Variants in KCNQ1OT1 observed in about 807,000 individuals in gnomAD.
KCNQ1OT1 encodes the protein KCNQ1 opposite strand/antisense transcript 1, also known as KCNQ1 antisense RNA 2 (non-protein coding).
exon 1 of KCNQ1OT1, chr11:2,675,922 C>T: frequency 2.5e-6 from 1 of 398,164 alleles, no homozygotes; most frequent in East Asian, 3.6e-5. Flanking sequence ...AATCATACAA[C>T]AGTCTTTACA....
rs2133835689 is a variant in KCNQ1OT1 at position 2,645,699 on chromosome 11, A to G, written n.54296T>C. On this transcript the variant is annotated non_coding_transcript_exon_variant, in exon 1 of 1. Transcript: ENST00000597346. This position sits in a 1 kb window ranked among gnomAD's most constrained non-coding sequence, Gnocchi z 5.8. ...GCTCATGCTTTGGCCTGGAGGGAGCAGTCAGGAGTGGCAACCAGCTTTGTG... is the reference window on the plus strand; with the variant it reads ...GCTCATGCTTTGGCCTGGAGGGAGCGGTCAGGAGTGGCAACCAGCTTTGTG... The G allele has an allele frequency of 2.5e-6, 1 of 398,832 alleles. No individual in the cohort carries two copies. The highest frequency in any genetic ancestry group is 3.6e-5 in the East Asian group (1 of 28,072). 24.7% of individuals were successfully genotyped at this position (398,832 alleles called of 1,614,324 possible). A position where few individuals can be genotyped will look rare whatever the true frequency, so the allele number is the denominator to read the frequency against.
chr11:2,698,089 G>A lies in KCNQ1OT1; in HGVS notation n.1906C>T, dbSNP rs557145101. ...GCCTGCTTTCCTTCAAGTACTGACTGAGTAAGGCTGTGTATCAGGCTCTTG... is the reference window on the plus strand; with the variant it reads ...GCCTGCTTTCCTTCAAGTACTGACTAAGTAAGGCTGTGTATCAGGCTCTTG... On this transcript the variant is annotated non_coding_transcript_exon_variant, in exon 1 of 1. Coordinates refer to ENST00000597346, the Ensembl canonical transcript of KCNQ1OT1. The surrounding 1 kb of genome is among the most constrained non-coding windows in gnomAD (Gnocchi z 5.1). 4.0e-5 allele frequency: 16 copies of A among 398,638 alleles called. No homozygotes were observed. In the South Asian group the frequency reaches 1.8e-3, roughly 44 times the overall value. The allele number at this position is 398,638 out of a possible 1,614,324, so 24.7% of individuals were successfully genotyped here.
chr11:2,656,354 A>C (rs1025173164), exon 1 of KCNQ1OT1: 1 of 398,576 alleles, frequency 2.5e-6, no homozygotes, highest in South Asian at 1.3e-4. Flanking sequence ...CACATTCTTC[A>C]AGCCTTACAG....
In KCNQ1OT1 at chr11:2,683,882, C is replaced by A; in HGVS notation, n.16113G>T. 2.5e-6 allele frequency: 1 copy of A among 398,560 alleles called. No homozygotes were observed. Among genetic ancestry groups the A allele is most frequent in the Non-Finnish European group, 4.4e-6 (1 of 226,068 alleles). 24.7% of individuals were successfully genotyped at this position (398,560 alleles called of 1,614,324 possible). On this transcript the variant is annotated non_coding_transcript_exon_variant, in exon 1 of 1. Transcript: ENST00000597346. This position sits in a 1 kb window ranked among gnomAD's most constrained non-coding sequence, Gnocchi z 4.7. ...TCACTGCTACATCTCTCTTCCAAAT[C>A]ATAAATGCAAAAGATGGCCAAAGGT...
rs1849906624 is a variant in KCNQ1OT1, at chr11:2,659,223, AC to A, written n.40771del. The A allele has an allele frequency of 2.5e-6, 1 of 398,414 alleles. No homozygotes were observed. The highest frequency in any genetic ancestry group is 4.4e-5 in the Admixed American group (1 of 22,714). The allele number at this position is 398,414 out of a possible 1,614,324, so 24.7% of individuals were successfully genotyped here. A position where few individuals can be genotyped will look rare whatever the true frequency, so the allele number is the denominator to read the frequency against. On this transcript the variant is annotated non_coding_transcript_exon_variant, in exon 1 of 1. Coordinates refer to ENST00000597346, the Ensembl canonical transcript of KCNQ1OT1. The surrounding 1 kb of genome is among the most constrained non-coding windows in gnomAD (Gnocchi z 4.3). ...CCAGTATCATTCACAGAAGTTCCAT[AC>A]CCCTAAAAATACCCTGGGGTGAGTC...
chr11:2,696,180 C>G (rs1850672965), exon 1 of KCNQ1OT1: 2 of 398,420 alleles, frequency 5.0e-6, no homozygotes, highest in African/African-American at 2.1e-5. Context: ...GTTTAAGAAC[C>G]CCACGGCCAC....
exon 1 of KCNQ1OT1, chr11:2,650,281 A>C (rs901733012): frequency 2.0e-5 from 8 of 398,190 alleles, no homozygotes; most frequent in Non-Finnish European, 3.5e-5. Flanking sequence ...CTATTATTGG[A>C]GAATTATTGT....
In KCNQ1OT1 at chr11:2,653,568, C is replaced by CT. The variant is rs751039500; in HGVS notation, n.46426dup. 3.4e-4 allele frequency: 137 copies of CT among 398,720 alleles called. No homozygotes were observed. The highest frequency in any genetic ancestry group is 5.3e-4 in the Non-Finnish European group (121 of 226,172). 24.7% of individuals were successfully genotyped at this position (398,720 alleles called of 1,614,324 possible). A position where few individuals can be genotyped will look rare whatever the true frequency, so the allele number is the denominator to read the frequency against. ...CTCCCCTTCTCCCTTCCCGTTCCCT[C>CT]TTTTGTTCTCCCTTTCCCTTGCTCT... On this transcript the variant is annotated non_coding_transcript_exon_variant, in exon 1 of 1. Coordinates refer to ENST00000597346, the Ensembl canonical transcript of KCNQ1OT1. The surrounding 1 kb of genome is among the most constrained non-coding windows in gnomAD (Gnocchi z 5.3).
rs1848980177 is a variant in KCNQ1OT1 at position 2,611,542 on chromosome 11, A to T, written n.88453T>A. The T allele has an allele frequency of 2.5e-6, 1 of 398,370 alleles. No homozygotes were observed. Among genetic ancestry groups the T allele is most frequent in the African/African-American group, 2.1e-5 (1 of 48,602 alleles). The allele number at this position is 398,370 out of a possible 1,614,324, so 24.7% of individuals were successfully genotyped here. ...TGTCTGATTTTAGTACAGTCACTCT[A>T]GCTTTCTTATTACTGTTTGCATGTC... is the stretch of plus-strand genomic sequence containing the variant. On this transcript the variant is annotated non_coding_transcript_exon_variant, in exon 1 of 1. Coordinates refer to ENST00000597346, the Ensembl canonical transcript of KCNQ1OT1. This position sits in a 1 kb window ranked among gnomAD's most constrained non-coding sequence, Gnocchi z 5.3.
rs905709313 is a variant in KCNQ1OT1 at position 2,676,002 on chromosome 11, C to A, written n.23993G>T. 7.5e-6 allele frequency: 3 copies of A among 398,526 alleles called. No individual in the cohort carries two copies. Among genetic ancestry groups the A allele is most frequent in the African/African-American group, 6.2e-5 (3 of 48,626 alleles). The allele number at this position is 398,526 out of a possible 1,614,324, so 24.7% of individuals were successfully genotyped here. A position where few individuals can be genotyped will look rare whatever the true frequency, so the allele number is the denominator to read the frequency against. ...CACTCTCCCCACCCAACCCTAATTC[C>A]CAAGTTTCCTTCCCTAAAGGTTACC... On this transcript the variant is annotated non_coding_transcript_exon_variant, in exon 1 of 1. Coordinates refer to ENST00000597346, the Ensembl canonical transcript of KCNQ1OT1. This position sits in a 1 kb window ranked among gnomAD's most constrained non-coding sequence, Gnocchi z 4.2.
At chr11:2,675,642 G>C (rs563624111) in exon 1 of KCNQ1OT1, 2 of 398,622 alleles carry the variant, frequency 5.0e-6, no homozygotes, top group African/African-American at 4.1e-5. Flanking sequence ...GAGGGTGGTT[G>C]GGCTCTCTAG....
In KCNQ1OT1 at chr11:2,678,494, G is replaced by A. The variant is rs1850331743; in HGVS notation, n.21501C>T. 1 of 398,496 alleles carries A rather than the reference G, an allele frequency of 2.5e-6. No individual in the cohort carries two copies. Among genetic ancestry groups the A allele is most frequent in the Admixed American group, 4.4e-5 (1 of 22,726 alleles). 24.7% of individuals were successfully genotyped at this position (398,496 alleles called of 1,614,324 possible). ...TATTTCAAACTCTCATTTAATTTGT[G>A]TCCATTTCTAGACTCTATTCTGGAC... On this transcript the variant is annotated non_coding_transcript_exon_variant, in exon 1 of 1. Coordinates refer to ENST00000597346, the Ensembl canonical transcript of KCNQ1OT1. This position sits in a 1 kb window ranked among gnomAD's most constrained non-coding sequence, Gnocchi z 4.9.
chr11:2,667,486 G>T, exon 1 of KCNQ1OT1: 1 of 374,802 alleles, frequency 2.7e-6, no homozygotes, highest in South Asian at 1.3e-4. Context: ...GTGACAGAGA[G>T]AACATTCACG....
In KCNQ1OT1 at chr11:2,642,048, G is replaced by A; in HGVS notation, n.57947C>T. The A allele has an allele frequency of 5.0e-6, 2 of 398,320 alleles. No homozygotes were observed. Among genetic ancestry groups the A allele is most frequent in the East Asian group, 7.1e-5 (2 of 28,034 alleles). The allele number at this position is 398,320 out of a possible 1,614,324, so 24.7% of individuals were successfully genotyped here. Reference sequence around the variant, plus strand: ...CTATAGCCTTATATTTTTAAATCAGGCAGTGTGATGCATCCAACTTTGTTA... The same window carrying A: ...CTATAGCCTTATATTTTTAAATCAGACAGTGTGATGCATCCAACTTTGTTA... On this transcript the variant is annotated non_coding_transcript_exon_variant, in exon 1 of 1. Coordinates refer to ENST00000597346, the Ensembl canonical transcript of KCNQ1OT1. This position sits in a 1 kb window ranked among gnomAD's most constrained non-coding sequence, Gnocchi z 4.3.
rs1274116743 is a variant in KCNQ1OT1, at chr11:2,645,565, A to G, written n.54430T>C. 5.0e-6 allele frequency: 2 copies of G among 398,630 alleles called. No homozygotes were observed. Among genetic ancestry groups the G allele is most frequent in the Non-Finnish European group, 8.8e-6 (2 of 226,152 alleles). The allele number at this position is 398,630 out of a possible 1,614,324, so 24.7% of individuals were successfully genotyped here. Reference sequence around the variant, plus strand: ...GGGATTGCTTTCAGTGGCAGCAGCTATAAACAGGCAGTTGGGCAATGCATG... The same window carrying G: ...GGGATTGCTTTCAGTGGCAGCAGCTGTAAACAGGCAGTTGGGCAATGCATG... On this transcript the variant is annotated non_coding_transcript_exon_variant, in exon 1 of 1. Transcript: ENST00000597346. This position sits in a 1 kb window ranked among gnomAD's most constrained non-coding sequence, Gnocchi z 5.8.
chr11:2,610,921 A>C, exon 1 of KCNQ1OT1: 1 of 398,342 alleles, frequency 2.5e-6, no homozygotes. Flanking sequence ...GTAATAGTTC[A>C]ATAACTCACT....
exon 1 of KCNQ1OT1, chr11:2,650,319 T>G (rs887638673): frequency 1.0e-5 from 4 of 398,364 alleles, no homozygotes; most frequent in Non-Finnish European, 1.3e-5. Context: ...TGTTTTCTTG[T>G]TTTTTTCCCC....
exon 1 of KCNQ1OT1, chr11:2,681,238 G>C (rs1224401378): frequency 1.5e-5 from 6 of 398,484 alleles, no homozygotes; most frequent in Non-Finnish European, 2.2e-5. Flanking sequence ...GGAAGCAGGA[G>C]AGTATTCCTG....
At chr11:2,631,145 G>A (rs1006785219) in exon 1 of KCNQ1OT1, 3 of 398,524 alleles carry the variant, frequency 7.5e-6, no homozygotes, top group Admixed American at 4.4e-5. Flanking sequence ...GATATGGGAA[G>A]TTTTCAGCCA....
Sources: allele counts gnomAD v4.1 joint callset, GRCh38; gene constraint gnomAD v4.1.1; non-coding constraint Gnocchi (gnomAD v3.1); transcripts MANE v1.5; gene names NCBI Gene and HGNC (gene_info 2026-07-23, HGNC 2026-07-21).